PLCE1: variants seen among roughly 807,000 people sequenced by gnomAD.
The protein encoded by PLCE1 is 1-phosphatidylinositol 4,5-bisphosphate phosphodiesterase epsilon-1.
A neutral mutation model predicts 242.8 loss-of-function variants in PLCE1; 119 were observed. The observed-to-expected ratio is 0.49, with a 90% CI of 0.42 to 0.57. The LOEUF is 0.57. PLCE1 is among the 20% of genes least tolerant of loss of function. The pLI is 0.00. For synonymous variants in PLCE1, 945 were observed against 1,017.4 expected, an observed-to-expected ratio of 0.93 and a Z score of 1.35; for missense variants, 2,441 against 2,788.8, an observed-to-expected ratio of 0.88 and a Z score of 2.81.
chr10:94,180,557 T>C (rs1271791884), intron 4 of PLCE1, among the ~76,000 whole-genome samples: 1 of 152,196 alleles, frequency 6.6e-6, no homozygotes, highest in Non-Finnish European at 1.5e-5. Flanking sequence ...TATATTCCTC[T>C]CTTGACCACA....
At chr10:94,039,183 A>C (rs2061719876) in intron 2 of PLCE1, among the ~76,000 whole-genome samples, 2 of 152,194 alleles carry the variant, frequency 1.3e-5, no homozygotes. Flanking sequence ...ATTATGAATA[A>C]TACTGCTGTG....
intron 20 of PLCE1, chr10:94,283,179 T>C (rs927967194): frequency 6.6e-6 from 1 of 152,556 alleles, no homozygotes; most frequent in Non-Finnish European, 1.5e-5. Flanking sequence ...TATCTTATGA[T>C]ATAATATTCA....
chr10:94,037,990 T>TCCCTGAAAATGGG (rs1262525872), intron 2 of PLCE1, among the ~76,000 whole-genome samples: 2 of 152,114 alleles, frequency 1.3e-5, no homozygotes, highest in Admixed American at 1.3e-4. Flanking sequence ...AGAGGCCCCA[T>TCCCTGAAAATGGG]CCCTGAAAAT....
At chr10:94,113,408 A>G (rs758120628) in intron 2 of PLCE1, among the ~76,000 whole-genome samples, 8 of 152,208 alleles carry the variant, frequency 5.3e-5, no homozygotes, top group Non-Finnish European at 1.0e-4. Context: ...AATGGGGACA[A>G]TAACTGAGGG....
At chr10:94,267,656 C>T (rs1214282479) in intron 16 of PLCE1, among the ~76,000 whole-genome samples, 5 of 152,138 alleles carry the variant, frequency 3.3e-5, no homozygotes, top group African/African-American at 1.2e-4. Context: ...GCTGAAAAGC[C>T]ATCTCATCTG....
intron 2 of PLCE1, among the ~76,000 whole-genome samples, chr10:94,084,209 G>A (rs753561588): frequency 1.3e-5 from 2 of 152,152 alleles, no homozygotes; most frequent in Non-Finnish European, 2.9e-5. Context: ...TCTCCAGTCT[G>A]GACTTTGAAA....
intron 26 of PLCE1, among the ~76,000 whole-genome samples, chr10:94,307,459 G>A (rs898365015): frequency 2.0e-5 from 3 of 152,170 alleles, no homozygotes; most frequent in Non-Finnish European, 2.9e-5. Context: ...ATCTTTTCCT[G>A]TTTCTCTTCT....
intron 3 of PLCE1, among the ~76,000 whole-genome samples, chr10:94,144,810 C>T (rs182183764): frequency 6.6e-5 from 10 of 152,234 alleles, no homozygotes; most frequent in East Asian, 3.9e-4. Context: ...CTGGAGAAGT[C>T]GGAATAACAA....
intron 2 of PLCE1, among the ~76,000 whole-genome samples, chr10:94,090,381 T>G (rs888281941): frequency 2.0e-5 from 3 of 152,162 alleles, no homozygotes; most frequent in African/African-American, 4.8e-5. Flanking sequence ...GGGTTAAAAA[T>G]TTCAATTAAG....
chr10:94,249,599 T>C (rs1003608409), intron 8 of PLCE1, among the ~76,000 whole-genome samples: 1 of 152,164 alleles, frequency 6.6e-6, no homozygotes, highest in African/African-American at 2.4e-5. Context: ...ATGTAGTAAA[T>C]GTAAGTGAAG....
chr10:94,242,926 G>C (rs1251977634), intron 7 of PLCE1, among the ~76,000 whole-genome samples: 3 of 152,164 alleles, frequency 2.0e-5, no homozygotes, highest in Non-Finnish European at 4.4e-5. Flanking sequence ...ATAAACAAAT[G>C]GGGGAGAAGA....
intron 7 of PLCE1, among the ~76,000 whole-genome samples, chr10:94,243,267 C>T (rs2050570488): frequency 6.6e-6 from 1 of 152,152 alleles, no homozygotes; most frequent in African/African-American, 2.4e-5. Flanking sequence ...GAAAAAATAT[C>T]AGCCAAGTCC....
intron 1 of PLCE1, among the ~76,000 whole-genome samples, chr10:94,026,045 A>G (rs1393604625): frequency 6.6e-6 from 1 of 152,174 alleles, no homozygotes; most frequent in South Asian, 2.1e-4. Flanking sequence ...TCATTTACAA[A>G]AACAGATGGC....
intron 5 of PLCE1, among the ~76,000 whole-genome samples, chr10:94,228,143 G>A (rs2050012012): frequency 6.6e-6 from 1 of 152,214 alleles, no homozygotes; most frequent in African/African-American, 2.4e-5. Context: ...CTGTTCTTAT[G>A]CTTTTTCCAT....
chr10:94,037,644 C>G (rs896775487), intron 2 of PLCE1, among the ~76,000 whole-genome samples: 1 of 152,148 alleles, frequency 6.6e-6, no homozygotes, highest in African/African-American at 2.4e-5. Context: ...CCAGCTTCCT[C>G]TCAGCTCCTG....
intron 7 of PLCE1, among the ~76,000 whole-genome samples, chr10:94,237,676 T>G (rs530664232): frequency 1.3e-5 from 2 of 152,298 alleles, no homozygotes; most frequent in East Asian, 3.9e-4. Flanking sequence ...CTTCTTTACC[T>G]CAAGTGACTG....
intron 3 of PLCE1, among the ~76,000 whole-genome samples, chr10:94,169,123 G>A (rs1233972922): frequency 6.6e-6 from 1 of 152,096 alleles, no homozygotes. Flanking sequence ...AGTCAACCAG[G>A]ACCAACCTGG....
chr10:94,197,280 A>C (rs982880903), intron 4 of PLCE1, among the ~76,000 whole-genome samples: 2 of 152,248 alleles, frequency 1.3e-5, no homozygotes, highest in Admixed American at 6.5e-5. Context: ...TGGCCATTAC[A>C]AATAGTGCTG....
chr10:94,273,938 A>T (rs2051845426), intron 19 of PLCE1, among the ~76,000 whole-genome samples: 1 of 152,230 alleles, frequency 6.6e-6, no homozygotes, highest in South Asian at 2.1e-4. Context: ...GTTCCCACAT[A>T]GAATATACCT....
Sources: gnomAD v4.1 joint callset for allele counts (sites outside exome capture counted in the v4.1 genomes callset) on GRCh38, gnomAD v4.1.1 for gene constraint, MANE v1.5 for transcripts, NCBI Gene and HGNC (gene_info 2026-07-23, HGNC 2026-07-21) for gene names.